Variants in PDE4C observed in about 807,000 individuals in gnomAD.
PDE4C encodes the protein 3',5'-cyclic-AMP phosphodiesterase 4C.
Under a neutral mutation model 63.9 loss-of-function variants are expected in PDE4C, and 50 were observed. The ratio of observed to expected loss-of-function variants is 0.78; its 90% CI spans 0.62 to 0.99. PDE4C has a LOEUF of 0.99. Ranked by LOEUF, PDE4C falls within the 50% of genes least tolerant of loss-of-function variation. The pLI is 0.00. For synonymous variants in PDE4C, 377 were observed against 385.1 expected, an observed-to-expected ratio of 0.98 and a Z score of 0.25; for missense variants, 777 against 899.1, an observed-to-expected ratio of 0.86 and a Z score of 1.74.
exon 1 of PDE4C, chr19:18,233,657 GA>G: frequency 2.7e-6 from 1 of 370,264 alleles, no homozygotes; most frequent in African/African-American, 2.1e-5. Flanking sequence ...TGTTGAAAGA[GA>G]AAAAGGTAGC....
At chr19:18,219,361 G>A in exon 8 of PDE4C, 2 of 1,613,098 alleles carry the variant, frequency 1.2e-6, no homozygotes, top group Non-Finnish European at 1.7e-6. Context: ...GGCCTCCTCA[G>A]CGGTCACCTT....
upstream of PDE4C, among the ~76,000 whole-genome samples, chr19:18,227,442 TG>T (rs1968763539): frequency 6.6e-6 from 1 of 152,130 alleles, no homozygotes; most frequent in Non-Finnish European, 1.5e-5. Context: ...ACATCACCTC[TG>T]CCAAGTCTTC....
At chr19:18,248,559 C>A (rs1055552568), upstream of PDE4C, among the ~76,000 whole-genome samples, 9 of 151,010 alleles carry the variant, frequency 6.0e-5, no homozygotes. Context: ...AGAGAGGGCG[C>A]GAAGGAAGAT....
At chr19:18,213,440 C>T in exon 13 of PDE4C, 2 of 1,613,766 alleles carry the variant, frequency 1.2e-6, no homozygotes, top group South Asian at 2.2e-5. Context: ...CCACCATGGT[C>T]TTGAGGTCGG....
At position 18,222,337 on chromosome 19, in the gene PDE4C, C is replaced by A; in HGVS notation, c.147-14G>T. On this transcript the variant is annotated splice_polypyrimidine_tract_variant and intron_variant, in intron 1 of 14. Transcript: ENST00000262805. ...TCCAGGTCAAAGCTGAAAGGAGAGA[C>A]GGCATGGTCAGAGACGAGGGTCATG... 1 of 1,602,678 alleles carries A rather than the reference C, an allele frequency of 6.2e-7. No individual in the cohort carries two copies. The highest frequency in any genetic ancestry group is 8.5e-7 in the Non-Finnish European group (1 of 1,173,766).
upstream of PDE4C, among the ~76,000 whole-genome samples, chr19:18,234,506 T>TA (rs1341981325): frequency 6.6e-6 from 1 of 152,090 alleles, no homozygotes; most frequent in African/African-American, 2.4e-5. Context: ...TTAACTGAAG[T>TA]AGGCATGAAC....
At chr19:18,228,867 C>T (rs531837275), upstream of PDE4C, among the ~76,000 whole-genome samples, 105 of 152,330 alleles carry the variant, frequency 6.9e-4, 2 homozygotes, top group South Asian at 0.02. Context: ...CCCTGCATTA[C>T]TGCATCTCCT....
In PDE4C at chr19:18,218,904, G is replaced by A. The variant is rs535080857; in HGVS notation, c.969+36C>T. ...TAGGAAGCAGTGAGGGAAACCCCAG[G>A]AGTTTTTCCTTGGAAGCCAAGGGCA... On this transcript the variant is annotated intron_variant, in intron 9 of 14. Transcript: ENST00000262805. 4.9e-6 allele frequency: 7 copies of A among 1,436,720 alleles called. No homozygotes were observed. In the South Asian group the frequency reaches 8.0e-5, roughly 16 times the overall value. 89.0% of individuals were successfully genotyped at this position (1,436,720 alleles called of 1,614,324 possible).
intron 13 of PDE4C, among the ~76,000 whole-genome samples, chr19:18,213,059 C>T (rs956835573): frequency 7.5e-4 from 111 of 148,622 alleles, no homozygotes; most frequent in Middle Eastern, 3.5e-3. Context: ...TTTGGGAGGC[C>T]GAGGTGGGCG....
chr19:18,232,404 TGTGTGC>T (rs1288513002), intron 1 of PDE4C, among the ~76,000 whole-genome samples: 2 of 141,156 alleles, frequency 1.4e-5, no homozygotes, highest in Admixed American at 6.9e-5. Context: ...TGTGTGTGTG[TGTGTGC>T]GTGTGTGTGT....
chr19:18,255,259 G>C, the PDE4C span: 1 of 399,104 alleles, frequency 2.5e-6, no homozygotes, highest in Non-Finnish European at 4.4e-6. The surrounding 1 kb of genome is among the most constrained non-coding windows in gnomAD (Gnocchi z 4.6). Context: ...GCTTTCAGCA[G>C]CACCACCAGC....
chr19:18,233,638 C>T (rs753069389), exon 1 of PDE4C: 57 of 405,224 alleles, frequency 1.4e-4, no homozygotes, highest in Non-Finnish European at 2.6e-4. Context: ...GACGGTGTCC[C>T]TCGCACCGTG....
At chr19:18,224,493 A>C in intron 1 of PDE4C, 2 of 985,502 alleles carry the variant, frequency 2.0e-6, no homozygotes, top group Non-Finnish European at 2.4e-6. Context: ...ATCACGTCGA[A>C]TTGGACTTGG....
At chr19:18,233,901 C>A (rs1341056428), upstream of PDE4C, among the ~76,000 whole-genome samples, 2 of 152,200 alleles carry the variant, frequency 1.3e-5, no homozygotes, top group African/African-American at 2.4e-5. Context: ...AGATAGCAGT[C>A]TTTCTGCCAA....
At chr19:18,237,856 G>A (rs750101494), upstream of PDE4C, among the ~76,000 whole-genome samples, 1 of 117,158 alleles carries the variant, frequency 8.5e-6, no homozygotes, top group East Asian at 2.7e-4. Flanking sequence ...CTGAGTGACA[G>A]AGCGAGACTC....
chr19:18,219,170 G>C, intron 8 of PDE4C, 64 bp downstream of exon 8: 1 of 1,608,472 alleles, frequency 6.2e-7, no homozygotes, highest in Middle Eastern at 1.9e-4. Context: ...ACAGGCCCGA[G>C]ATAGGGCATC....
intron 1 of PDE4C, among the ~76,000 whole-genome samples, chr19:18,239,368 G>A (rs1969002488): frequency 6.6e-6 from 1 of 152,218 alleles, no homozygotes; most frequent in Non-Finnish European, 1.5e-5. Flanking sequence ...AGTCTGAACG[G>A]ATGCGTTGGG....
intron 1 of PDE4C, chr19:18,224,612 T>C (rs956452322): frequency 1.4e-6 from 1 of 716,714 alleles, no homozygotes; most frequent in Non-Finnish European, 1.7e-6. Flanking sequence ...TTACGCTCGG[T>C]CTGCTTCGAA....
At chr19:18,249,463 T>C (rs554904528), upstream of PDE4C, among the ~76,000 whole-genome samples, 4 of 150,754 alleles carry the variant, frequency 2.7e-5, no homozygotes, top group Non-Finnish European at 5.9e-5. Flanking sequence ...TTAGTAAAGA[T>C]GGGGTTTCAC....
Sources: allele counts gnomAD v4.1 joint callset (sites outside exome capture counted in the v4.1 genomes callset), GRCh38; gene constraint gnomAD v4.1.1; non-coding constraint Gnocchi (gnomAD v3.1); transcripts MANE v1.5; gene names NCBI Gene and HGNC (gene_info 2026-07-23, HGNC 2026-07-21).